DCC: variants seen among roughly 807,000 people sequenced by gnomAD.
DCC encodes the protein DCC netrin 1 receptor.
In DCC, 58 loss-of-function variants were observed where a neutral mutation model predicts 172.5. The ratio of observed to expected loss-of-function variants is 0.34; its 90% confidence interval spans 0.27 to 0.42. The LOEUF is 0.42. Among genes scored for constraint, DCC ranks in the 10% least tolerant of loss-of-function variants. The pLI, the probability that DCC is intolerant of heterozygous loss-of-function variation, is 1.00. For synonymous variants in DCC, 709 were observed against 644.5 expected (o/e 1.10, Z -1.52); for missense variants, 1,740 against 1,791.0 (o/e 0.97, Z 0.51).
intron 7 of DCC, among the ~76,000 whole-genome samples, chr18:53,083,858 C>G (rs1021979899): frequency 1.3e-5 from 2 of 152,094 alleles, no homozygotes; most frequent in Non-Finnish European, 2.9e-5. Flanking sequence ...TCTTTTGTAG[C>G]AGAGACATGT....
intron 1 of DCC, among the ~76,000 whole-genome samples, chr18:52,354,852 C>T (rs1984289141): frequency 6.6e-6 from 1 of 152,076 alleles, no homozygotes; most frequent in African/African-American, 2.4e-5. Context: ...CCTTCTTTTG[C>T]CTGATTTTTC....
chr18:52,497,260 CAAAAA>C (rs111476286), intron 1 of DCC, among the ~76,000 whole-genome samples: 6,814 of 53,764 alleles, frequency 0.13, 1,007 homozygotes, highest in East Asian at 0.58. Flanking sequence ...GACCCTGTAT[CAAAAA>C]AAAAAAAAAA....
chr18:52,913,012 C>A (rs2039992760), intron 3 of DCC, among the ~76,000 whole-genome samples: 2 of 152,130 alleles, frequency 1.3e-5, no homozygotes, highest in Admixed American at 6.6e-5. Flanking sequence ...TGCTGTCACA[C>A]AAATCACACC....
Position 52,694,064 on chromosome 18 carries a change from G to C in DCC, c.92-57990G>C, listed in dbSNP as rs77767558. 6.6e-3 allele frequency among the ~76,000 whole-genome samples: 998 copies of C among 152,206 alleles called. 13 individuals carry two copies. The highest frequency in any genetic ancestry group is 0.023 in the African/African-American group (957 of 41,544). On this transcript the variant is annotated intron_variant, in intron 1 of 28. Transcript: ENST00000442544. Reference sequence around the variant, plus strand: ...TCAGTGATCAAGGTTAACATCACTAGTAACAAGTCATGTTAATAGCATGTC... The same window carrying C: ...TCAGTGATCAAGGTTAACATCACTACTAACAAGTCATGTTAATAGCATGTC...
intron 2 of DCC, among the ~76,000 whole-genome samples, chr18:52,830,448 A>T (rs1026379192): frequency 6.6e-6 from 1 of 152,110 alleles, no homozygotes; most frequent in East Asian, 1.9e-4. Context: ...GAGGAAATGG[A>T]TGTCTTACTA....
rs192313300 is a variant in DCC, at chr18:53,006,719, C to G, written c.986-56586C>G. ...CTAGGCAGGAAACAAAGGCAGATGTCAAACTATCATGTAAGCACAGCTGTT... is the reference window on the plus strand; with the variant it reads ...CTAGGCAGGAAACAAAGGCAGATGTGAAACTATCATGTAAGCACAGCTGTT... On this transcript the variant is annotated intron_variant, in intron 5 of 28. Coordinates refer to ENST00000442544, the MANE Select transcript of DCC (RefSeq NM_005215.4). Among the ~76,000 whole-genome samples the G allele has an allele frequency of 1.8e-3, 275 of 152,292 alleles. 2 individuals carry two copies. Among genetic ancestry groups the G allele is most frequent in the Non-Finnish European group, 1.1e-3 (75 of 68,020 alleles).
chr18:52,585,044 A>G (rs1020135817), intron 1 of DCC, among the ~76,000 whole-genome samples: 1 of 152,220 alleles, frequency 6.6e-6, no homozygotes, highest in African/African-American at 2.4e-5. Flanking sequence ...TAGCTAACAT[A>G]TCACTAAGAC....
intron 1 of DCC, among the ~76,000 whole-genome samples, chr18:52,494,173 C>A (rs2030643811): frequency 6.6e-6 from 1 of 151,632 alleles, no homozygotes; most frequent in Non-Finnish European, 1.5e-5. Context: ...ATTATTTCTC[C>A]TTTGAGAAAA....
chr18:52,823,417 T>G (rs549853639), intron 2 of DCC, among the ~76,000 whole-genome samples: 1 of 152,366 alleles, frequency 6.6e-6, no homozygotes, highest in East Asian at 1.9e-4. Flanking sequence ...GAAATACATT[T>G]TTAAGAAATG....
chr18:52,375,258 A>C (rs1264352914), intron 1 of DCC, among the ~76,000 whole-genome samples: 2 of 152,224 alleles, frequency 1.3e-5, no homozygotes, highest in African/African-American at 4.8e-5. Context: ...TATCAAAGCC[A>C]ATCAAGATGA....
chr18:52,423,111 T>C (rs1002514065), intron 1 of DCC, among the ~76,000 whole-genome samples: 2 of 152,176 alleles, frequency 1.3e-5, no homozygotes, highest in African/African-American at 4.8e-5. Context: ...CATAAGTGTA[T>C]GGTACTTACA....
chr18:53,422,171 A>G (rs1263133796), intron 21 of DCC, among the ~76,000 whole-genome samples: 2 of 152,166 alleles, frequency 1.3e-5, no homozygotes, highest in Non-Finnish European at 2.9e-5. Context: ...AAGATTCCAC[A>G]TCTTACTTAA....
chr18:53,090,509 A>G (rs979297969), intron 7 of DCC, among the ~76,000 whole-genome samples: 5 of 151,294 alleles, frequency 3.3e-5, no homozygotes, highest in African/African-American at 1.2e-4. Flanking sequence ...CTGGCTAACA[A>G]GGTGAAATTC....
chr18:52,548,031 T>C (rs1456786614), intron 1 of DCC, among the ~76,000 whole-genome samples: 1 of 152,154 alleles, frequency 6.6e-6, no homozygotes, highest in Non-Finnish European at 1.5e-5. Context: ...TCCTCAGGTA[T>C]GGAGAGAAAG....
intron 2 of DCC, among the ~76,000 whole-genome samples, chr18:52,823,890 A>C (rs989049915): frequency 6.2e-4 from 94 of 152,298 alleles, no homozygotes; most frequent in African/African-American, 2.2e-3. Flanking sequence ...GTGACAAAGC[A>C]AAGGGAATCT....
chr18:52,359,720 C>A (rs751676118), intron 1 of DCC, among the ~76,000 whole-genome samples: 8 of 152,156 alleles, frequency 5.3e-5, no homozygotes, highest in Non-Finnish European at 1.0e-4. Context: ...TTCTAGACTT[C>A]TTTTTATGCT....
intron 20 of DCC, among the ~76,000 whole-genome samples, chr18:53,413,849 C>T (rs1910137842): frequency 6.6e-6 from 1 of 152,132 alleles, no homozygotes; most frequent in Non-Finnish European, 1.5e-5. Context: ...CACTTATGAC[C>T]TTGACATATC....
chr18:52,491,574 G>A (rs578129224), intron 1 of DCC, among the ~76,000 whole-genome samples: 15 of 152,238 alleles, frequency 9.9e-5, no homozygotes, highest in Middle Eastern at 3.4e-3. Flanking sequence ...TTATCATGGC[G>A]TAAGCCCAGA....
chr18:52,478,088 G>C (rs777561836), intron 1 of DCC, among the ~76,000 whole-genome samples: 6 of 152,118 alleles, frequency 3.9e-5, no homozygotes, highest in Non-Finnish European at 7.4e-5. Context: ...GGAATTAAAA[G>C]AGTGAGCCAC....
Sources: allele counts gnomAD v4.1 joint callset (sites outside exome capture counted in the v4.1 genomes callset), GRCh38; gene constraint gnomAD v4.1.1; transcripts MANE v1.5; gene names NCBI Gene and HGNC (gene_info 2026-07-23, HGNC 2026-07-21).